Variants in GARNL3 observed in about 807,000 individuals in gnomAD.
GARNL3 encodes GTPase-activating Rap/Ran-GAP domain-like protein 3.
In GARNL3, 63 loss-of-function variants were observed where a neutral mutation model predicts 125.0. The observed-to-expected ratio is 0.50, with a 90% CI of 0.41 to 0.62. The LOEUF (loss-of-function observed/expected upper bound fraction) is 0.62. Ranked by LOEUF, GARNL3 falls within the 20% of genes least tolerant of loss-of-function variation. The probability of loss-of-function intolerance (pLI) is 0.00; values close to 1 mark genes in which losing one functional copy is unlikely to be tolerated. For missense variants in GARNL3, 994 were observed against 1,244.0 expected (o/e 0.80, Z 3.02); for synonymous variants, 439 against 457.5 (o/e 0.96, Z 0.52).
At chr9:127,369,246 G>A (rs529742192) in intron 22 of GARNL3, 2 of 152,218 alleles carry the variant, frequency 1.3e-5, no homozygotes, top group South Asian at 2.1e-4. Context: ...TGGAGAATAC[G>A]GCTTCCTGAA....
intron 1 of GARNL3, among the ~76,000 whole-genome samples, chr9:127,272,505 G>GAGA: frequency 6.7e-6 from 1 of 149,824 alleles, no homozygotes; most frequent in East Asian, 1.9e-4. Flanking sequence ...TTTTTTTGAG[G>GAGA]AGGAGGAGTC....
Position 127,392,966 on chromosome 9 carries a change from G to C in GARNL3, c.2871-117G>C. On this transcript the variant is annotated intron_variant, in intron 27 of 27. Coordinates refer to ENST00000373387, the MANE Select transcript of GARNL3 (RefSeq NM_032293.5). The surrounding 1 kb of genome is among the most constrained non-coding windows in gnomAD (Gnocchi z 5.2). ...ACTTCCCCACCTCTACCACATAACA[G>C]TGAGGGTTTGGTGAGCCAAACTCAT... 1 of 795,710 alleles carries C rather than the reference G, an allele frequency of 1.3e-6. No homozygotes were observed. Among genetic ancestry groups the C allele is most frequent in the Non-Finnish European group, 2.0e-6 (1 of 491,860 alleles). 49.3% of individuals were successfully genotyped at this position (795,710 alleles called of 1,614,324 possible).
chr9:127,338,770 A>T (rs954861034), intron 12 of GARNL3, among the ~76,000 whole-genome samples: 7 of 152,096 alleles, frequency 4.6e-5, no homozygotes, highest in Non-Finnish European at 1.5e-5. Flanking sequence ...GATGGGTTGG[A>T]CCATGAAGGA....
At chr9:127,353,174 C>G (rs1830501276) in intron 17 of GARNL3, among the ~76,000 whole-genome samples, 1 of 152,174 alleles carries the variant, frequency 6.6e-6, no homozygotes, top group South Asian at 2.1e-4. Context: ...GGAGATTTCC[C>G]TGAGCATTCC....
At chr9:127,386,309 C>T (rs770718920) in intron 24 of GARNL3, among the ~76,000 whole-genome samples, 3 of 152,256 alleles carry the variant, frequency 2.0e-5, no homozygotes, top group Non-Finnish European at 2.9e-5. Flanking sequence ...CCAGACTAAA[C>T]ACACTTCTAC....
chr9:127,322,325 C>G (rs558949625), intron 6 of GARNL3, among the ~76,000 whole-genome samples: 2 of 152,180 alleles, frequency 1.3e-5, no homozygotes, highest in African/African-American at 4.8e-5. Context: ...CTTCTTTCTG[C>G]CTCTTGCTAC....
At chr9:127,356,851 T>C (rs1830715753) in intron 20 of GARNL3, among the ~76,000 whole-genome samples, 1 of 152,208 alleles carries the variant, frequency 6.6e-6, no homozygotes, top group Non-Finnish European at 1.5e-5. Context: ...GAACAGTGCC[T>C]AGCACATGTT....
chr9:127,225,281 GCGCCCGAGCCCGCGGCCCC>G, intron 1 of GARNL3: 2 of 926,914 alleles, frequency 2.2e-6, no homozygotes, highest in Non-Finnish European at 2.6e-6. Flanking sequence ...CCACCCGAGT[GCGCCCGAGCCCGCGGCCCC>G]CGCCCGGGGC....
At chr9:127,244,125 C>T (rs1034872246) in intron 2 of GARNL3, among the ~76,000 whole-genome samples, 11 of 152,190 alleles carry the variant, frequency 7.2e-5, no homozygotes, top group African/African-American at 2.7e-4. Flanking sequence ...GATTCTGACT[C>T]AGTGGATCTG....
At chr9:127,365,465 A>T (rs1008640382) in intron 22 of GARNL3, 99 bp downstream of exon 22, 2 of 979,072 alleles carry the variant, frequency 2.0e-6, no homozygotes, top group Non-Finnish European at 3.2e-6. Flanking sequence ...TACCCAGTGT[A>T]TCATTCCTGG....
intron 21 of GARNL3, among the ~76,000 whole-genome samples, chr9:127,358,501 A>T (rs940855264): frequency 6.6e-6 from 1 of 152,126 alleles, no homozygotes; most frequent in Non-Finnish European, 1.5e-5. Flanking sequence ...ATGCTTTACA[A>T]CTTGTATTAA....
chr9:127,277,775 T>A (rs2063994788), intron 1 of GARNL3, among the ~76,000 whole-genome samples: 1 of 152,150 alleles, frequency 6.6e-6, no homozygotes, highest in South Asian at 2.1e-4. Flanking sequence ...ATGCCTCTGT[T>A]GAGTGTCATT....
intron 22 of GARNL3, among the ~76,000 whole-genome samples, chr9:127,372,175 C>T (rs1831648000): frequency 6.6e-6 from 1 of 152,130 alleles, no homozygotes; most frequent in Non-Finnish European, 1.5e-5. Flanking sequence ...CTCATTTATT[C>T]AGAATATATA....
intron 2 of GARNL3, among the ~76,000 whole-genome samples, chr9:127,245,174 C>T (rs1483342518): frequency 6.6e-6 from 1 of 152,224 alleles, no homozygotes; most frequent in Non-Finnish European, 1.5e-5. Context: ...GGAGCTGGCC[C>T]GCTGCCTTTC....
At chr9:127,305,721 CA>C (rs1230664566) in intron 2 of GARNL3, among the ~76,000 whole-genome samples, 2 of 151,882 alleles carry the variant, frequency 1.3e-5, no homozygotes, top group African/African-American at 2.4e-5. Flanking sequence ...TACAGGCACA[CA>C]CTACCATACC....
chr9:127,348,835 T>C (rs1451385713), intron 16 of GARNL3, 89 bp from the exon 17 acceptor site: 1 of 809,038 alleles, frequency 1.2e-6, no homozygotes, highest in South Asian at 1.8e-5. Context: ...TGTTACTGTT[T>C]CAGGTGTGGT....
chr9:127,294,244 C>G, intron 2 of GARNL3, among the ~76,000 whole-genome samples: 1 of 152,218 alleles, frequency 6.6e-6, no homozygotes, highest in East Asian at 1.9e-4. Context: ...TGCGTTCCCA[C>G]TTGCCTTTCA....
intron 1 of GARNL3, among the ~76,000 whole-genome samples, chr9:127,276,501 A>G (rs1026782535): frequency 2.0e-5 from 3 of 151,834 alleles, no homozygotes; most frequent in Admixed American, 2.0e-4. Flanking sequence ...TCCCTGTCTT[A>G]AAATTGGTGA....
intron 10 of GARNL3, among the ~76,000 whole-genome samples, chr9:127,335,635 C>T (rs1829511381): frequency 6.6e-6 from 1 of 151,730 alleles, no homozygotes; most frequent in African/African-American, 2.4e-5. Context: ...TCTTTTTTGT[C>T]TCTCTCTTTT....
Sources: gnomAD v4.1 joint callset for allele counts (sites outside exome capture counted in the v4.1 genomes callset) on GRCh38, gnomAD v4.1.1 for gene constraint, Gnocchi (gnomAD v3.1) non-coding constraint, MANE v1.5 for transcripts, NCBI Gene and HGNC (gene_info 2026-07-23, HGNC 2026-07-21) for gene names.